Variants in PPP6C observed in about 807,000 individuals in gnomAD.
PPP6C encodes the protein protein phosphatase 6 catalytic subunit.
Under a neutral mutation model 39.8 loss-of-function variants are expected in PPP6C, and 11 were observed. That is an observed-to-expected ratio of 0.28 (90% CI 0.17 to 0.46). PPP6C has a LOEUF of 0.46. Among genes scored for constraint, PPP6C ranks in the 20% least tolerant of loss-of-function variants. PPP6C has a pLI of 1.00. For synonymous variants in PPP6C, 129 were observed against 130.3 expected, an observed-to-expected ratio of 0.99 and a Z score of 0.07; for missense variants, 211 against 373.9, an observed-to-expected ratio of 0.56 and a Z score of 3.59.
At chr9:125,164,219 T>C (rs1479707100) in intron 2 of PPP6C, among the ~76,000 whole-genome samples, 13 of 48,752 alleles carry the variant, frequency 2.7e-4, no homozygotes, top group African/African-American at 8.9e-4. Context: ...CCTCACTCTC[T>C]TTTTTTTTTT....
chr9:125,156,744 G>GCTCT (rs61252351), intron 4 of PPP6C, among the ~76,000 whole-genome samples: 18,815 of 141,238 alleles, frequency 0.13, 1,262 homozygotes, highest in African/African-American at 0.18. Context: ...TAATAAGCTC[G>GCTCT]CTCTCTCTCT....
chr9:125,155,142 G>C (rs1836037468), intron 4 of PPP6C, among the ~76,000 whole-genome samples: 1 of 152,112 alleles, frequency 6.6e-6, no homozygotes, highest in Non-Finnish European at 1.5e-5. Context: ...CTGAGCTCAA[G>C]CAATCCTCCT....
In PPP6C at chr9:125,149,428, C is replaced by A; in HGVS notation, c.*245G>T. 1 of 417,954 alleles carries A rather than the reference C, an allele frequency of 2.4e-6. No individual in the cohort carries two copies. Among genetic ancestry groups the A allele is most frequent in the South Asian group, 5.4e-5 (1 of 18,618 alleles). 25.9% of individuals were successfully genotyped at this position (417,954 alleles called of 1,614,324 possible). On this transcript the variant is annotated 3_prime_UTR_variant, in exon 7 of 7. Coordinates refer to ENST00000373547, the MANE Select transcript of PPP6C (RefSeq NM_002721.5). The stretch of plus-strand genomic sequence containing the variant: ...ACATGCAGCAGTGTGAGTATTAAGA[C>A]ATTTCTCAAGTCTTCTCAAATGAGT...
At chr9:125,166,005 C>T (rs1400985347) in intron 2 of PPP6C, among the ~76,000 whole-genome samples, 1 of 151,966 alleles carries the variant, frequency 6.6e-6, no homozygotes, top group Non-Finnish European at 1.5e-5. Flanking sequence ...CCATGTTGCT[C>T]AGGCTGGTCT....
intron 1 of PPP6C, among the ~76,000 whole-genome samples, chr9:125,180,441 A>T (rs1369455719): frequency 6.6e-6 from 1 of 152,078 alleles, no homozygotes; most frequent in Non-Finnish European, 1.5e-5. Flanking sequence ...TCTTTTTTTG[A>T]GATGGAGTTT....
chr9:125,176,722 T>C (rs1420333813), intron 1 of PPP6C, among the ~76,000 whole-genome samples: 1 of 152,100 alleles, frequency 6.6e-6, no homozygotes, highest in Non-Finnish European at 1.5e-5. Context: ...GGGTTGGAAT[T>C]GGGACAAAGG....
At position 125,171,100 on chromosome 9, in the gene PPP6C, T is replaced by C; in HGVS notation, c.156A>G (p.Gly52=). Residue 52 remains glycine, a synonymous_variant, in exon 2 of 7, where the codon GGA becomes GGG. Coordinates refer to ENST00000373547, the MANE Select transcript of PPP6C (RefSeq NM_002721.5). Reference sequence around the variant, plus strand: ...GAAATTTTACCTGTCCATGGATATCTCCACACACTGTTACTGGTGTTGATA... The same window carrying C: ...GAAATTTTACCTGTCCATGGATATCCCCACACACTGTTACTGGTGTTGATA... ...QPVSTPVTVC[G]DIHGQFYDLC... 3 of 1,591,506 alleles carry C rather than the reference T, an allele frequency of 1.9e-6. No individual in the cohort carries two copies. In the African/African-American group the frequency reaches 4.0e-5, roughly 21 times the overall value.
At chr9:125,183,095 T>TA (rs1046791454) in intron 1 of PPP6C, among the ~76,000 whole-genome samples, 4 of 152,094 alleles carry the variant, frequency 2.6e-5, no homozygotes, top group African/African-American at 7.2e-5. Flanking sequence ...TGCCAGAAAC[T>TA]AAAAAATTAT....
chr9:125,162,473 A>G (rs925729498), intron 2 of PPP6C, among the ~76,000 whole-genome samples: 2 of 148,922 alleles, frequency 1.3e-5, no homozygotes, highest in African/African-American at 4.9e-5. Context: ...AAAAAAAAAA[A>G]AAAAAAAAAA....
At chr9:125,181,410 G>A (rs997702945) in intron 1 of PPP6C, among the ~76,000 whole-genome samples, 3 of 151,874 alleles carry the variant, frequency 2.0e-5, no homozygotes, top group Non-Finnish European at 2.9e-5. Flanking sequence ...AGGTATCCAC[G>A]TGCCATGGTG....
chr9:125,178,208 T>C (rs1829345258), intron 1 of PPP6C, among the ~76,000 whole-genome samples: 1 of 152,200 alleles, frequency 6.6e-6, no homozygotes, highest in African/African-American at 2.4e-5. Flanking sequence ...GTTTGTTTAG[T>C]TTTATAAGAA....
intron 1 of PPP6C, among the ~76,000 whole-genome samples, chr9:125,177,574 CAG>C (rs1453993214): frequency 6.6e-6 from 1 of 152,074 alleles, no homozygotes; most frequent in Non-Finnish European, 1.5e-5. Context: ...GAAAAAAGTG[CAG>C]AGTTCCCATA....
At chr9:125,180,371 C>T (rs920363955) in intron 1 of PPP6C, among the ~76,000 whole-genome samples, 1 of 152,148 alleles carries the variant, frequency 6.6e-6, no homozygotes, top group African/African-American at 2.4e-5. Context: ...AACCTATTTG[C>T]ATTAAAGAAC....
chr9:125,151,553 G>C (rs551072374), intron 6 of PPP6C: 1 of 828,736 alleles, frequency 1.2e-6, no homozygotes, highest in East Asian at 2.5e-5. Flanking sequence ...TCACAATGAA[G>C]AATCCGTTTC....
intron 1 of PPP6C, among the ~76,000 whole-genome samples, chr9:125,177,568 A>G (rs1408689215): frequency 2.6e-5 from 4 of 151,998 alleles, no homozygotes; most frequent in East Asian, 1.9e-4. Flanking sequence ...AAAAAAGAAA[A>G]AAGTGCAGAG....
intron 1 of PPP6C, among the ~76,000 whole-genome samples, chr9:125,177,541 GGAAAAAAAGAAAAA>G (rs1465692673): frequency 9.9e-5 from 15 of 151,768 alleles, no homozygotes; most frequent in African/African-American, 1.2e-4. Context: ...CCATATAAAG[GGAAAAAAAGAAAAA>G]GAAAAAAAGA....
intron 1 of PPP6C, among the ~76,000 whole-genome samples, chr9:125,175,269 T>G (rs1045350266): frequency 6.6e-6 from 1 of 152,056 alleles, no homozygotes; most frequent in African/African-American, 2.4e-5. Flanking sequence ...TTTCTGAACT[T>G]TGAGCCTTAA....
At chr9:125,180,026 G>A (rs1466963319) in intron 1 of PPP6C, among the ~76,000 whole-genome samples, 1 of 152,132 alleles carries the variant, frequency 6.6e-6, no homozygotes, top group Non-Finnish European at 1.5e-5. Context: ...TGAAGGGTAA[G>A]AGTCAATGGT....
rs773765410 is a variant in PPP6C at position 125,149,735 on chromosome 9, G to T, written c.856C>A (p.Arg286=). ...DVNTREPKLF[R]AVPDSERVIP... ...ACACGTTCTGAATCTGGAACTGCCCGGAATAACTTTGGTTCTCTTGTATTT... is the reference window on the plus strand; with the variant it reads ...ACACGTTCTGAATCTGGAACTGCCCTGAATAACTTTGGTTCTCTTGTATTT... Residue 286 remains arginine (R), a synonymous_variant, in exon 7 of 7, where the codon CGG becomes AGG. Transcript: ENST00000373547. The T allele has an allele frequency of 6.2e-7, 1 of 1,613,982 alleles. No homozygotes were observed. The highest frequency in any genetic ancestry group is 1.3e-5 in the African/African-American group (1 of 74,914).
Sources: allele counts gnomAD v4.1 joint callset (sites outside exome capture counted in the v4.1 genomes callset), GRCh38; gene constraint gnomAD v4.1.1; transcripts MANE v1.5; gene names NCBI Gene and HGNC (gene_info 2026-07-23, HGNC 2026-07-21).